Variants in CUEDC1 observed in about 807,000 individuals in gnomAD.
The protein encoded by CUEDC1 is CUE domain-containing protein 1.
Under a neutral mutation model 43.7 loss-of-function variants are expected in CUEDC1, and 30 were observed. That is an observed-to-expected ratio of 0.69 (90% CI 0.51 to 0.93). The LOEUF (loss-of-function observed/expected upper bound fraction) is 0.93, where lower values mean the gene tolerates loss of function less well. Ranked by LOEUF, CUEDC1 falls within the 40% of genes least tolerant of loss-of-function variation. The pLI is 0.00. For synonymous variants in CUEDC1, 223 were observed against 223.6 expected (o/e 1.00, Z 0.02); for missense variants, 486 against 549.0 (o/e 0.89, Z 1.15).
chr17:57,908,101 G>C (rs921983655), intron 1 of CUEDC1, among the ~76,000 whole-genome samples: 2 of 152,112 alleles, frequency 1.3e-5, no homozygotes, highest in Non-Finnish European at 2.9e-5. Flanking sequence ...CTGTTTCCCA[G>C]GCTGGAGTGC....
chr17:57,946,714 A>G (rs898549520), intron 1 of CUEDC1, among the ~76,000 whole-genome samples: 6 of 152,046 alleles, frequency 3.9e-5, no homozygotes, highest in African/African-American at 9.7e-5. Context: ...GGCCCAGGCA[A>G]TCTGTTTTAA....
rs2074065962 is a variant in CUEDC1, at chr17:57,873,564, G to A, written c.591+27C>T. On this transcript the variant is annotated intron_variant, in intron 4 of 10. Transcript: ENST00000577830. ...AGAGATGCTGGACAAGCAGGTGGGAGTGGAAGGCGGGGGCGGCCCCTGTTA... is the reference window on the plus strand; with the variant it reads ...AGAGATGCTGGACAAGCAGGTGGGAATGGAAGGCGGGGGCGGCCCCTGTTA... 4.6e-6 allele frequency: 7 copies of A among 1,523,610 alleles called. No homozygotes were observed. The South Asian group carries it at 8.9e-5, about 19-fold the overall frequency. The allele number at this position is 1,523,610 out of a possible 1,614,324, so 94.4% of individuals were successfully genotyped here. A position where few individuals can be genotyped will look rare whatever the true frequency, so the allele number is the denominator to read the frequency against.
intron 1 of CUEDC1, among the ~76,000 whole-genome samples, chr17:57,946,850 C>T (rs774288407): frequency 1.3e-4 from 20 of 152,172 alleles, no homozygotes; most frequent in Non-Finnish European, 2.5e-4. Context: ...CACACAAACA[C>T]GCAAGTGCTG....
intron 6 of CUEDC1, among the ~76,000 whole-genome samples, chr17:57,870,389 C>T (rs2074017499): frequency 2.0e-5 from 3 of 152,246 alleles, no homozygotes; most frequent in Admixed American, 2.0e-4. Context: ...CTTCCCACCA[C>T]CTTGTACACA....
chr17:57,868,705 T>A (rs568261497), intron 7 of CUEDC1, among the ~76,000 whole-genome samples: 1 of 152,180 alleles, frequency 6.6e-6, no homozygotes, highest in African/African-American at 2.4e-5. Flanking sequence ...TGTGGGTCTG[T>A]GTGGCGGGGA....
At chr17:57,885,147 G>T in intron 2 of CUEDC1, 82 bp downstream of exon 2, 1 of 1,471,000 alleles carries the variant, frequency 6.8e-7, no homozygotes, top group South Asian at 1.5e-5. Context: ...AGTGGTGGTT[G>T]GAATTACCCG....
At chr17:57,944,210 A>ATAT (rs2074940808) in intron 1 of CUEDC1, among the ~76,000 whole-genome samples, 4 of 139,818 alleles carry the variant, frequency 2.9e-5, no homozygotes, top group East Asian at 2.2e-4. Context: ...ATATATATAT[A>ATAT]TTTTTTTTTT....
Position 57,861,850 on chromosome 17 carries a change from G to T in CUEDC1, c.*1439C>A, listed in dbSNP as rs574547171. 6.0e-5 allele frequency: 9 copies of T among 151,124 alleles called. No homozygotes were observed. Among genetic ancestry groups the T allele is most frequent in the African/African-American group, 2.2e-4 (9 of 41,024 alleles). The allele number at this position is 151,124 out of a possible 1,614,324, so 9.4% of individuals were successfully genotyped here. A position where few individuals can be genotyped will look rare whatever the true frequency, so the allele number is the denominator to read the frequency against. On this transcript the variant is annotated 3_prime_UTR_variant, in exon 11 of 11. Coordinates refer to ENST00000577830, the MANE Select transcript of CUEDC1 (RefSeq NM_001271875.2). ...CCCCAGGCCTGGCGCGGGGAGCAGC[G>T]GAGGGGGCGACCGCTCCTCGGCAGG...
At chr17:57,872,630 A>G (rs549637943) in intron 5 of CUEDC1, 33 bp downstream of exon 5, 75 of 1,611,708 alleles carry the variant, frequency 4.7e-5, no homozygotes, top group Non-Finnish European at 6.3e-5. Context: ...TCCCTTCTTC[A>G]GCCAGGGAGA....
Position 57,939,939 on chromosome 17 carries a change from C to A in CUEDC1, c.-316+15286G>T, listed in dbSNP as rs74915616. 9.3e-3 allele frequency among the ~76,000 whole-genome samples: 1,422 copies of A among 152,176 alleles called. 31 individuals carry two copies. Among genetic ancestry groups the A allele is most frequent in the East Asian group, 0.046 (240 of 5,168 alleles). ...TGCGTCAGCCACCCCCACCACACCC[C>A]CACACACCCCCGGCACTTGGGAGAC... is the stretch of plus-strand genomic sequence containing the variant. On this transcript the variant is annotated intron_variant, in intron 1 of 10. Transcript: ENST00000577830.
At chr17:57,876,669 A>G (rs193221616) in intron 3 of CUEDC1, among the ~76,000 whole-genome samples, 17 of 152,342 alleles carry the variant, frequency 1.1e-4, no homozygotes, top group African/African-American at 4.1e-4. Context: ...GAGGGACTGG[A>G]CAAGGCACTG....
intron 1 of CUEDC1, among the ~76,000 whole-genome samples, chr17:57,935,044 CA>C (rs1462647080): frequency 6.6e-6 from 1 of 152,164 alleles, no homozygotes; most frequent in Non-Finnish European, 1.5e-5. Flanking sequence ...AGCTCACAGA[CA>C]AAATGATGGG....
intron 1 of CUEDC1, among the ~76,000 whole-genome samples, chr17:57,910,960 C>G (rs2074576903): frequency 6.6e-6 from 1 of 152,194 alleles, no homozygotes; most frequent in East Asian, 1.9e-4. Context: ...TTCCCTGATG[C>G]CTTCAAGCTC....
intron 1 of CUEDC1, among the ~76,000 whole-genome samples, chr17:57,910,949 C>A (rs1368912159): frequency 6.6e-6 from 1 of 152,176 alleles, no homozygotes; most frequent in Non-Finnish European, 1.5e-5. Flanking sequence ...CCCAAGCCCG[C>A]TTCCCTGATG....
intron 1 of CUEDC1, among the ~76,000 whole-genome samples, chr17:57,927,668 C>T (rs1464328597): frequency 3.9e-5 from 6 of 152,222 alleles, no homozygotes; most frequent in Non-Finnish European, 8.8e-5. Flanking sequence ...GGATCTGCCC[C>T]CCAACCCCAC....
intron 1 of CUEDC1, among the ~76,000 whole-genome samples, chr17:57,945,649 C>T (rs2074953660): frequency 6.6e-6 from 1 of 152,206 alleles, no homozygotes; most frequent in South Asian, 2.1e-4. Context: ...CAGCAGCTAA[C>T]ATTTAATGAG....
intron 1 of CUEDC1, among the ~76,000 whole-genome samples, chr17:57,935,406 A>ACACACAAAC (rs2074851488): frequency 3.9e-5 from 3 of 77,012 alleles, no homozygotes; most frequent in Admixed American, 1.6e-4. Flanking sequence ...CACACACACA[A>ACACACAAAC]ACACACACAC....
chr17:57,885,862 T>C lies in CUEDC1; in HGVS notation c.-298A>G, dbSNP rs2685504. The C allele has an allele frequency of 0.85, 233,868 of 275,254 alleles. 99,718 individuals carry two copies. The highest frequency in any genetic ancestry group is 1 in the East Asian group (14,734 of 14,750). 17.1% of individuals were successfully genotyped at this position (275,254 alleles called of 1,614,324 possible). On this transcript the variant is annotated 5_prime_UTR_variant, in exon 2 of 11. Coordinates refer to ENST00000577830, the MANE Select transcript of CUEDC1 (RefSeq NM_001271875.2). Reference sequence around the variant, plus strand: ...CACCCCCGGTGCATCCTGGCACCGGTTTCACGGATGGTCCCACCTGAAACC... The same window carrying C: ...CACCCCCGGTGCATCCTGGCACCGGCTTCACGGATGGTCCCACCTGAAACC...
intron 5 of CUEDC1, among the ~76,000 whole-genome samples, chr17:57,872,433 T>TCCTTCTTCCTCGGGA (rs1254611669): frequency 2.0e-5 from 3 of 152,032 alleles, no homozygotes; most frequent in African/African-American, 7.3e-5. Context: ...AGAGTGCACA[T>TCCTTCTTCCTCGGGA]CCTTCTTCCT....
Sources: gnomAD v4.1 joint callset for allele counts (sites outside exome capture counted in the v4.1 genomes callset) on GRCh38, gnomAD v4.1.1 for gene constraint, MANE v1.5 for transcripts, NCBI Gene and HGNC (gene_info 2026-07-23, HGNC 2026-07-21) for gene names.